The following RPS6KC1 variants were observed in gnomAD, a reference collection of about 807,000 sequenced individuals.
The protein encoded by RPS6KC1 is ribosomal protein S6 kinase C1.
A neutral mutation model predicts 103.8 loss-of-function variants in RPS6KC1; 54 were observed. The ratio of observed to expected loss-of-function variants is 0.52; its 90% CI spans 0.42 to 0.65. The LOEUF is 0.65. Ranked by LOEUF, RPS6KC1 falls within the 30% of genes least tolerant of loss-of-function variation. RPS6KC1 has a pLI of 0.00. For missense variants in RPS6KC1, 1,151 were observed against 1,253.8 expected (o/e 0.92, Z 1.24); for synonymous variants, 439 against 438.7 (o/e 1.00, Z -0.01).
At chr1:213,847,988 G>C in the RPS6KC1 span, among the ~76,000 whole-genome samples, 506 of 151,938 alleles carry the variant, frequency 3.3e-3, no homozygotes, top group African/African-American at 0.012. Flanking sequence ...CACACACACA[G>C]AGAGAAAGAG....
chr1:213,151,832 G>A (rs1439288721), intron 6 of RPS6KC1, among the ~76,000 whole-genome samples: 9 of 115,050 alleles, frequency 7.8e-5, no homozygotes, highest in South Asian at 2.9e-4. Context: ...GCGAGGGGCT[G>A]ACCCCCCCAC....
chr1:213,510,514 A>G, the RPS6KC1 span, among the ~76,000 whole-genome samples: 1 of 152,180 alleles, frequency 6.6e-6, no homozygotes, highest in Non-Finnish European at 1.5e-5. Flanking sequence ...ATCATAGGCT[A>G]TAACGGGCTA....
At chr1:213,637,619 G>A in the RPS6KC1 span, among the ~76,000 whole-genome samples, 1 of 152,060 alleles carries the variant, frequency 6.6e-6, no homozygotes, top group Admixed American at 6.6e-5. Flanking sequence ...TGGTTGAAAT[G>A]ATAAGTTTAT....
chr1:213,451,163 G>A, the RPS6KC1 span, among the ~76,000 whole-genome samples: 4 of 152,052 alleles, frequency 2.6e-5, no homozygotes, highest in Non-Finnish European at 5.9e-5. Flanking sequence ...AATCCGTAAG[G>A]GAGGAGAAAA....
chr1:213,745,170 A>G, the RPS6KC1 span, among the ~76,000 whole-genome samples: 1 of 152,210 alleles, frequency 6.6e-6, no homozygotes, highest in Non-Finnish European at 1.5e-5. Flanking sequence ...ATGGAAGAAA[A>G]ATAGGTTGAA....
the RPS6KC1 span, among the ~76,000 whole-genome samples, chr1:213,636,885 T>C: frequency 1.3e-5 from 2 of 151,954 alleles, no homozygotes; most frequent in East Asian, 3.9e-4. Context: ...AGGGCTAATA[T>C]CCAGAATCTA....
At chr1:213,558,160 C>T in the RPS6KC1 span, among the ~76,000 whole-genome samples, 1 of 152,228 alleles carries the variant, frequency 6.6e-6, no homozygotes, top group Non-Finnish European at 1.5e-5. Context: ...CTGTTTGCAT[C>T]AGCTACGTAA....
chr1:213,059,479 G>A (rs1395116975), intron 1 of RPS6KC1, among the ~76,000 whole-genome samples: 1 of 152,176 alleles, frequency 6.6e-6, no homozygotes, highest in African/African-American at 2.4e-5. Flanking sequence ...TTTCACGGTA[G>A]AGTTTTTGTG....
the RPS6KC1 span, among the ~76,000 whole-genome samples, chr1:213,621,081 C>G: frequency 1.2e-4 from 18 of 152,268 alleles, no homozygotes; most frequent in Middle Eastern, 6.8e-3. Flanking sequence ...GATCCAGCAG[C>G]AGATTAAATG....
intron 6 of RPS6KC1, among the ~76,000 whole-genome samples, chr1:213,166,546 A>G (rs1212060635): frequency 6.6e-6 from 1 of 152,176 alleles, no homozygotes; most frequent in East Asian, 1.9e-4. Flanking sequence ...TGACATTTTA[A>G]TTGCGGGTTG....
chr1:213,127,345 A>G (rs1017132207), intron 5 of RPS6KC1, among the ~76,000 whole-genome samples: 2 of 152,214 alleles, frequency 1.3e-5, no homozygotes, highest in Non-Finnish European at 1.5e-5. Context: ...TATAAAACCA[A>G]TGCTAATTTT....
At chr1:213,082,417 C>T (rs942059709) in intron 3 of RPS6KC1, among the ~76,000 whole-genome samples, 5 of 151,814 alleles carry the variant, frequency 3.3e-5, no homozygotes, top group South Asian at 2.1e-4. Flanking sequence ...GGCGACAGAG[C>T]GAGACTCCAT....
At chr1:213,451,665 A>C in the RPS6KC1 span, among the ~76,000 whole-genome samples, 2 of 152,232 alleles carry the variant, frequency 1.3e-5, no homozygotes, top group East Asian at 1.9e-4. Flanking sequence ...TATCGGCAAC[A>C]TGAAGACTAG....
chr1:213,193,625 G>T (rs1041850230), intron 8 of RPS6KC1, among the ~76,000 whole-genome samples: 8 of 151,558 alleles, frequency 5.3e-5, no homozygotes, highest in Non-Finnish European at 1.2e-4. Context: ...GAGGTCTATA[G>T]TTTTTTTTAG....
At chr1:213,523,102 T>C in the RPS6KC1 span, among the ~76,000 whole-genome samples, 1 of 152,174 alleles carries the variant, frequency 6.6e-6, no homozygotes, top group East Asian at 1.9e-4. Context: ...CAGACCATTG[T>C]AGGGATATTA....
At chr1:213,223,078 A>G (rs1201131875) in intron 8 of RPS6KC1, among the ~76,000 whole-genome samples, 2 of 152,128 alleles carry the variant, frequency 1.3e-5, no homozygotes, top group South Asian at 2.1e-4. Context: ...TTCTGTTGTC[A>G]TTATTTATAT....
At chr1:213,429,960 A>G in the RPS6KC1 span, among the ~76,000 whole-genome samples, 7 of 152,242 alleles carry the variant, frequency 4.6e-5, no homozygotes, top group Non-Finnish European at 7.3e-5. Flanking sequence ...TTCAACAGGA[A>G]CTAGAAGATT....
the RPS6KC1 span, among the ~76,000 whole-genome samples, chr1:213,507,307 G>A: frequency 6.6e-6 from 1 of 152,166 alleles, no homozygotes; most frequent in Non-Finnish European, 1.5e-5. Context: ...ACTCCTACCT[G>A]AAAAGGGACC....
the RPS6KC1 span, among the ~76,000 whole-genome samples, chr1:213,482,166 T>C: frequency 1.2e-4 from 18 of 152,194 alleles, no homozygotes; most frequent in Middle Eastern, 3.4e-3. Flanking sequence ...CTTTATATAT[T>C]ACCCAGTCTC....
Sources: gnomAD v4.1 joint callset for allele counts (sites outside exome capture counted in the v4.1 genomes callset) on GRCh38, gnomAD v4.1.1 for gene constraint, MANE v1.5 for transcripts, NCBI Gene and HGNC (gene_info 2026-07-23, HGNC 2026-07-21) for gene names.